MMP26: variants seen among roughly 807,000 people sequenced by gnomAD.
MMP26 encodes matrix metallopeptidase 26, also known as matrix metalloproteinase-26.
In MMP26, 33 loss-of-function variants were observed where a neutral mutation model predicts 31.0. The observed-to-expected ratio is 1.06, with a 90% CI of 0.81 to 1.42. The LOEUF is 1.42. MMP26 is among the 40% of genes most tolerant of loss of function. The pLI, the probability that MMP26 is intolerant of heterozygous loss-of-function variation, is 0.00. For synonymous variants in MMP26, 122 were observed against 114.9 expected (o/e 1.06, Z -0.40); for missense variants, 347 against 316.1 (o/e 1.10, Z -0.74).
chr11:4,723,954 C>T (rs561744091), intron 1 of MMP26: 2 of 783,382 alleles, frequency 2.6e-6, no homozygotes, highest in African/African-American at 3.4e-5. Flanking sequence ...TAAGGGGACT[C>T]AGCAGGTTCT....
chr11:4,967,321 G>A (rs1488017730), intron 2 of MMP26, among the ~76,000 whole-genome samples: 1 of 152,078 alleles, frequency 6.6e-6, no homozygotes, highest in Admixed American at 6.6e-5. Flanking sequence ...ATTAGATTTG[G>A]CTTAATTATT....
At chr11:4,756,551 C>T (rs895645553) in intron 1 of MMP26, 6 of 151,270 alleles carry the variant, frequency 4.0e-5, no homozygotes, top group South Asian at 4.2e-4. Context: ...GAAATTAAGC[C>T]GGTTTTACAA....
At chr11:4,861,941 C>G (rs1314113203) in intron 2 of MMP26, among the ~76,000 whole-genome samples, 1 of 152,126 alleles carries the variant, frequency 6.6e-6, no homozygotes, top group Non-Finnish European at 1.5e-5. Context: ...CAACCCCTAC[C>G]TACCTCTGCA....
At chr11:4,896,956 T>G (rs1234076191) in intron 2 of MMP26, among the ~76,000 whole-genome samples, 1 of 152,182 alleles carries the variant, frequency 6.6e-6, no homozygotes, top group Non-Finnish European at 1.5e-5. Flanking sequence ...AAAATGTCTC[T>G]TTTTCCCCGG....
chr11:4,717,295 G>A (rs1284647895), intron 1 of MMP26, among the ~76,000 whole-genome samples: 3 of 152,108 alleles, frequency 2.0e-5, no homozygotes. Flanking sequence ...TCAACAGTCT[G>A]GATTGCGGCT....
At chr11:4,814,002 C>T (rs532593941) in intron 2 of MMP26, among the ~76,000 whole-genome samples, 6 of 152,170 alleles carry the variant, frequency 3.9e-5, no homozygotes, top group African/African-American at 1.2e-4. Context: ...AAGAGGTAGA[C>T]AAAGGGTCAA....
At position 4,839,517 on chromosome 11, in the gene MMP26, C is replaced by T. The variant is rs537209282; in HGVS notation, c.-145+72176C>T. 7.9e-5 allele frequency among the ~76,000 whole-genome samples: 12 copies of T among 151,802 alleles called. No individual in the cohort carries two copies. In the East Asian group the frequency reaches 2.2e-3, roughly 27 times the overall value. ...CCAGCTCAGCTGCAGCAGAATAGAGCGCCAGTCAGAGTCCTGAGGCCTTTG... is the reference window on the plus strand; with the variant it reads ...CCAGCTCAGCTGCAGCAGAATAGAGTGCCAGTCAGAGTCCTGAGGCCTTTG... On this transcript the variant is annotated intron_variant, in intron 2 of 7. Transcript: ENST00000380390.
Position 4,716,527 on chromosome 11 carries a change from G to C in MMP26, c.-217+11482G>C, listed in dbSNP as rs112009329. Among the ~76,000 whole-genome samples the C allele has an allele frequency of 8.4e-3, 1,271 of 151,100 alleles. 22 individuals are homozygous for C. The highest frequency in any genetic ancestry group is 0.027 in the African/African-American group (1,092 of 41,168). ...GCAGGCTAAGAAGAACGTTGTTCTT[G>C]TTGTTTTTAATTATATTTAGATTGA... On this transcript the variant is annotated intron_variant, in intron 1 of 7. Transcript: ENST00000380390.
intron 1 of MMP26, among the ~76,000 whole-genome samples, chr11:4,759,424 C>T (rs529139291): frequency 8.5e-5 from 13 of 152,116 alleles, no homozygotes; most frequent in African/African-American, 2.9e-4. Context: ...ACAATAGCCA[C>T]TGTTGCTAGT....
At chr11:4,744,104 T>C (rs1451811433) in intron 1 of MMP26, among the ~76,000 whole-genome samples, 1 of 152,142 alleles carries the variant, frequency 6.6e-6, no homozygotes, top group East Asian at 1.9e-4. Flanking sequence ...CTAGCAGGAC[T>C]ATTCTTACTC....
intron 2 of MMP26, among the ~76,000 whole-genome samples, chr11:4,901,372 G>T (rs1344005364): frequency 6.6e-6 from 1 of 151,700 alleles, no homozygotes; most frequent in Non-Finnish European, 1.5e-5. Flanking sequence ...GTGTTTGCCG[G>T]GATGGTCTCA....
intron 2 of MMP26, chr11:4,882,982 G>A (rs1295785142): frequency 1.2e-6 from 1 of 861,468 alleles, no homozygotes. Context: ...AATTCCAATT[G>A]AATTTTAGGA....
rs76054225 is a variant in MMP26 at position 4,950,558 on chromosome 11, A to G, written c.-144-37510A>G. On this transcript the variant is annotated intron_variant, in intron 2 of 7. Coordinates refer to ENST00000380390, the MANE Select transcript of MMP26 (RefSeq NM_021801.5). ...AGTCTGGAGATGATAGTCAAAAGGT[A>G]AAAAGTTAGAAAGAATAAATTCGAT... Among the ~76,000 whole-genome samples the G allele has an allele frequency of 5.7e-3, 688 of 121,676 alleles. 126 individuals carry two copies. The highest frequency in any genetic ancestry group is 0.018 in the African/African-American group (636 of 36,178). 79.8% of individuals were successfully genotyped at this position (121,676 alleles called of 152,430 possible).
chr11:4,741,828 A>G (rs956013693), intron 1 of MMP26, among the ~76,000 whole-genome samples: 7 of 152,190 alleles, frequency 4.6e-5, no homozygotes, highest in African/African-American at 9.7e-5. Context: ...AGAAAAAGAA[A>G]TTACAATAAT....
chr11:4,750,778 G>A (rs1848437971), intron 1 of MMP26, among the ~76,000 whole-genome samples: 1 of 151,982 alleles, frequency 6.6e-6, no homozygotes, highest in Non-Finnish European at 1.5e-5. Context: ...AAGGGTAGGA[G>A]GGTGGAAGTG....
At chr11:4,723,540 TTCCAGGAGAGAC>T (rs1848049670) in intron 1 of MMP26, 6 of 1,204,334 alleles carry the variant, frequency 5.0e-6, no homozygotes, top group Non-Finnish European at 7.4e-6. Context: ...CAGTCAGCCC[TTCCAGGAGAGAC>T]TCCAGCTCTA....
At chr11:4,920,600 A>G (rs1029776620) in intron 2 of MMP26, among the ~76,000 whole-genome samples, 3 of 152,200 alleles carry the variant, frequency 2.0e-5, no homozygotes, top group African/African-American at 7.2e-5. Flanking sequence ...CAAAGATCAT[A>G]TAATTAAATG....
intron 2 of MMP26, among the ~76,000 whole-genome samples, chr11:4,928,958 G>A (rs369571941): frequency 6.6e-6 from 1 of 152,066 alleles, no homozygotes; most frequent in African/African-American, 2.4e-5. Flanking sequence ...ACTTTTTCCA[G>A]GTCCAATTGT....
At chr11:4,743,128 A>G (rs2133294113) in intron 1 of MMP26, among the ~76,000 whole-genome samples, 1 of 152,254 alleles carries the variant, frequency 6.6e-6, no homozygotes, top group Admixed American at 6.5e-5. Context: ...TTACACATGT[A>G]TGTGAATTAT....
Sources: allele counts gnomAD v4.1 joint callset (sites outside exome capture counted in the v4.1 genomes callset), GRCh38; gene constraint gnomAD v4.1.1; transcripts MANE v1.5; gene names NCBI Gene and HGNC (gene_info 2026-07-23, HGNC 2026-07-21).